The following MUC20 variants were observed in gnomAD, a reference collection of about 807,000 sequenced individuals.
MUC20 encodes mucin 20, cell surface associated, also known as mucin-20.
Under a neutral mutation model 23.8 loss-of-function variants are expected in MUC20, and 14 were observed. The observed-to-expected ratio is 0.59, with a 90% confidence interval of 0.39 to 0.92. The LOEUF (loss-of-function observed/expected upper bound fraction) is 0.92. MUC20 is among the 40% of genes least tolerant of loss of function. MUC20 has a pLI of 0.00. For synonymous variants in MUC20, 166 were observed against 279.3 expected (o/e 0.59, Z 4.04); for missense variants, 375 against 668.8 (o/e 0.56, Z 4.85).
rs555381026 is a variant in MUC20 at position 195,728,222 on chromosome 3, C to T, written c.1970-1426C>T. 6.2e-3 allele frequency among the ~76,000 whole-genome samples: 938 copies of T among 152,148 alleles called. 1 individual carries two copies. The highest frequency in any genetic ancestry group is 0.021 in the African/African-American group (868 of 41,364). ...AACAACAGTGGGCCCAGGGGACCGT[C>T]GCTCAGCATACCAAGGACCTGCACC... On this transcript the variant is annotated intron_variant, in intron 2 of 3. Coordinates refer to ENST00000447234, the MANE Select transcript of MUC20 (RefSeq NM_001282506.2).
At chr3:195,729,910 G>A in intron 3 of MUC20, 171 bp downstream of exon 3, 4 of 674,658 alleles carry the variant, frequency 5.9e-6, no homozygotes, top group East Asian at 2.8e-5. Flanking sequence ...CTTTGCTTCT[G>A]CCTGCCTTCT....
rs1713155286 is a variant in MUC20 at position 195,729,664 on chromosome 3, C to T, written c.1986C>T (p.Phe662=). ...CATTTGCAGGTGAAAATGGAGGTTT[C>T]CTCCTCCTGCGGCTGAGTGTGGCTT... is the stretch of plus-strand genomic sequence containing the variant. ...TDVSAGENGG[F]LLLRLSVASP... The change falls in exon 3 of 4, where the codon TTC becomes TTT. Residue 662 remains phenylalanine (F), a synonymous_variant. Coordinates refer to ENST00000447234, the MANE Select transcript of MUC20 (RefSeq NM_001282506.2). 2 of 1,586,582 alleles carry T rather than the reference C, an allele frequency of 1.3e-6. No homozygotes were observed. Among genetic ancestry groups the T allele is most frequent in the East Asian group, 2.3e-5 (1 of 43,896 alleles).
chr3:195,729,810 C>A (rs751942625), intron 3 of MUC20, 71 bp downstream of exon 3: 5 of 1,413,212 alleles, frequency 3.5e-6, no homozygotes, highest in Non-Finnish European at 3.9e-6. Flanking sequence ...AGGGAAGACC[C>A]GCAGGACACA....
Position 195,725,142 on chromosome 3 carries a change from CCGA to C in MUC20, c.541_543del (p.Asp181del), listed in dbSNP as rs1407312781. On this transcript the variant is annotated inframe_deletion, in exon 2 of 4. Transcript: ENST00000447234. The stretch of plus-strand genomic sequence containing the variant: ...CTGTCCTCAGAGAGCAGCGCCTCTT[CCGA>C]CAGCCCCCATCCAGTCATCACCCCG... 7.6e-7 allele frequency: 1 copy of C among 1,307,450 alleles called. No homozygotes were observed. The highest frequency in any genetic ancestry group is 2.5e-5 in the African/African-American group (1 of 39,222). 81.0% of individuals were successfully genotyped at this position (1,307,450 alleles called of 1,614,324 possible).
At chr3:195,729,034 C>G (rs1713064251) in intron 2 of MUC20, among the ~76,000 whole-genome samples, 1 of 152,292 alleles carries the variant, frequency 6.6e-6, no homozygotes, top group Non-Finnish European at 1.5e-5. Context: ...AAAATGGAGT[C>G]TCATGTCTTT....
At chr3:195,728,326 G>A (rs555303048) in intron 2 of MUC20, among the ~76,000 whole-genome samples, 27 of 152,282 alleles carry the variant, frequency 1.8e-4, no homozygotes, top group Non-Finnish European at 3.7e-4. Context: ...TAGTAGGAGA[G>A]CAGGGTGATA....
At chr3:195,727,678 A>G (rs1169423207) in intron 2 of MUC20, among the ~76,000 whole-genome samples, 1 of 152,298 alleles carries the variant, frequency 6.6e-6, no homozygotes, top group African/African-American at 2.4e-5. Context: ...CAGGGGTGAT[A>G]TAAACATGTT....
Position 195,726,479 on chromosome 3 carries a change from G to A in MUC20, c.1876G>A (p.Ala626Thr), listed in dbSNP as rs1284977834. ...CAGCCGAGGGACGAACAGCACCTTA[G>A]CCAAGATCACAACCTCAGCGAAGAC... ...NSSRGTNSTL[A>T]KITTSAKTTM... Residue 626 changes from alanine (A) to threonine (T), a missense_variant, in exon 2 of 4, where the codon GCC (alanine) becomes ACC (threonine). Around this residue, in one of 4 missense-constraint regions of MUC20, gnomAD observed 343 missense variants for 340.2 expected, o/e 1.01. Transcript: ENST00000447234. 4 of 1,614,066 alleles carry A rather than the reference G, an allele frequency of 2.5e-6. No individual in the cohort carries two copies. In the Admixed American group the frequency reaches 6.7e-5, roughly 27 times the overall value.
chr3:195,723,024 C>T (rs1377018614), intron 1 of MUC20, among the ~76,000 whole-genome samples: 2 of 137,222 alleles, frequency 1.5e-5, no homozygotes, highest in African/African-American at 5.4e-5. Context: ...TCACCTTCTC[C>T]GCTGGTCCTC....
At chr3:195,731,181 C>T (rs1163231215) in intron 3 of MUC20, among the ~76,000 whole-genome samples, 2 of 152,182 alleles carry the variant, frequency 1.3e-5, no homozygotes, top group African/African-American at 4.8e-5. Context: ...TGGGACAGTG[C>T]CCTTGCTAAT....
chr3:195,729,789 G>A lies in MUC20; in HGVS notation c.2061+50G>A, dbSNP rs369645756. The stretch of plus-strand genomic sequence containing the variant: ...GGGAGTAGAGGAAGGGGCGAGGTTC[G>A]CAGGGGCTGCAGGGAAGACCCGCAG... On this transcript the variant is annotated intron_variant, in intron 3 of 3. Transcript: ENST00000447234. The A allele has an allele frequency of 2.0e-4, 300 of 1,507,214 alleles. 2 individuals carry two copies. Among genetic ancestry groups the A allele is most frequent in the Middle Eastern group, 1.4e-3 (8 of 5,766 alleles). 93.4% of individuals were successfully genotyped at this position (1,507,214 alleles called of 1,614,324 possible). A position where few individuals can be genotyped will look rare whatever the true frequency, so the allele number is the denominator to read the frequency against.
chr3:195,721,380 A>G (rs3096329), intron 1 of MUC20, among the ~76,000 whole-genome samples: 126,932 of 150,232 alleles, frequency 0.84, 52,318 homozygotes, highest in African/African-American at 0.91. Context: ...ATCGTAAGGG[A>G]TGGCTGAGAG....
At position 195,726,352 on chromosome 3, in the gene MUC20, C is replaced by T. The variant is rs1191161797; in HGVS notation, c.1749C>T (p.Asn583=). 1.2e-6 allele frequency: 2 copies of T among 1,614,066 alleles called. No homozygotes were observed. The highest frequency in any genetic ancestry group is 1.1e-5 in the South Asian group (1 of 91,086). Reference sequence around the variant, plus strand: ...GCCCCTCGGAAGCCGCCCTCAAGAACTTCACCCCTTCAGAGACACCGACCA... The same window carrying T: ...GCCCCTCGGAAGCCGCCCTCAAGAATTTCACCCCTTCAGAGACACCGACCA... The part of the protein sequence containing the change: ...SYSPSEAALK[N]FTPSETPTMD... The change falls in exon 2 of 4, where the codon AAC becomes AAT. Residue 583 remains asparagine, a synonymous_variant. Coordinates refer to ENST00000447234, the MANE Select transcript of MUC20 (RefSeq NM_001282506.2).
At position 195,729,739 on chromosome 3, in the gene MUC20, G is replaced by A; in HGVS notation, c.2061G>A (p.Gln687=). The change falls in exon 3 of 4, where the codon CAG becomes CAA. Residue 687 remains glutamine (Q), a splice_region_variant and synonymous_variant. Transcript: ENST00000447234. The part of the protein sequence containing the change: ...DPRVAERLMQ[Q]LHRELHAHAP... The stretch of plus-strand genomic sequence containing the variant: ...GAGTGGCAGAAAGGCTGATGCAGCA[G>A]GTGAGTGGGCACTTTCCGGGCCAGG... The A allele has an allele frequency of 1.3e-6, 2 of 1,593,292 alleles. No individual in the cohort carries two copies.
At chr3:195,733,060 C>T (rs1002674641) in intron 3 of MUC20, 90 bp from the exon 4 acceptor site, 3 of 1,410,722 alleles carry the variant, frequency 2.1e-6, no homozygotes, top group Non-Finnish European at 2.9e-6. Flanking sequence ...TCCGCATGCA[C>T]TCTGCCCCAG....
chr3:195,724,248 G>GT (rs1464479560), intron 1 of MUC20: 18 of 104,316 alleles, frequency 1.7e-4, no homozygotes, highest in Admixed American at 3.1e-4. Context: ...TCTTTTAAGG[G>GT]TTTTTACTTC....
intron 2 of MUC20, 141 bp from the exon 3 acceptor site, chr3:195,729,507 G>T: frequency 1.3e-6 from 1 of 773,264 alleles, no homozygotes; most frequent in Non-Finnish European, 2.1e-6. Context: ...GTAAAGACGG[G>T]ATTTCTCCAT....
At chr3:195,729,331 TTTTTG>T in intron 2 of MUC20, 1 of 256,508 alleles carries the variant, frequency 3.9e-6, no homozygotes. Context: ...TTTTTTTTTT[TTTTTG>T]AGACAGTTTC....
intron 2 of MUC20, chr3:195,729,349 T>C: frequency 3.9e-6 from 1 of 258,954 alleles, no homozygotes; most frequent in Non-Finnish European, 7.3e-6. Flanking sequence ...ACAGTTTCGC[T>C]CTTGTTGCCC....
Sources: allele counts gnomAD v4.1 joint callset (sites outside exome capture counted in the v4.1 genomes callset), GRCh38; gene constraint gnomAD v4.1.1; regional missense constraint gnomAD v4.1.1; transcripts MANE v1.5; gene names NCBI Gene and HGNC (gene_info 2026-07-23, HGNC 2026-07-21).